CEP112: variants seen among roughly 807,000 people sequenced by gnomAD.
CEP112 encodes centrosomal protein 112.
In CEP112, 127 loss-of-function variants were observed where a neutral mutation model predicts 153.0. That is an observed-to-expected ratio of 0.83 (90% CI 0.72 to 0.96). The LOEUF (loss-of-function observed/expected upper bound fraction) is 0.96, where lower values mean the gene tolerates loss of function less well. Among genes scored for constraint, CEP112 ranks in the 40% least tolerant of loss-of-function variants. The pLI, the probability that CEP112 is intolerant of heterozygous loss-of-function variation, is 0.00. For missense variants in CEP112, 1,089 were observed against 1,101.2 expected, an observed-to-expected ratio of 0.99 and a Z score of 0.16; for synonymous variants, 358 against 374.4, an observed-to-expected ratio of 0.96 and a Z score of 0.51.
At chr17:65,686,342 C>T (rs1200442985) in intron 24 of CEP112, among the ~76,000 whole-genome samples, 2 of 151,780 alleles carry the variant, frequency 1.3e-5, no homozygotes, top group Non-Finnish European at 2.9e-5. Context: ...AAAAAGAAGT[C>T]AATAAAAAAA....
intron 17 of CEP112, among the ~76,000 whole-genome samples, chr17:65,989,142 G>T (rs766421037): frequency 6.6e-6 from 1 of 150,386 alleles, no homozygotes; most frequent in Non-Finnish European, 1.5e-5. Flanking sequence ...GGCTGAGGCA[G>T]AAGAATGGCA....
chr17:65,913,359 G>T, intron 19 of CEP112: 1 of 311,086 alleles, frequency 3.2e-6, no homozygotes, highest in Non-Finnish European at 4.7e-6. Flanking sequence ...CTCCCTTAAA[G>T]ATAAAATAAG....
At chr17:65,775,300 C>T (rs967652577) in intron 21 of CEP112, among the ~76,000 whole-genome samples, 1 of 152,054 alleles carries the variant, frequency 6.6e-6, no homozygotes, top group Admixed American at 6.6e-5. Context: ...ACCAGGGACC[C>T]TGCTCACCCT....
At chr17:65,645,613 C>G (rs1368507126) in intron 24 of CEP112, among the ~76,000 whole-genome samples, 2 of 151,980 alleles carry the variant, frequency 1.3e-5, no homozygotes, top group Non-Finnish European at 2.9e-5. Flanking sequence ...TTTTCTATTT[C>G]TCTATCTCCC....
chr17:66,132,506 T>C (rs1366428022), intron 5 of CEP112, among the ~76,000 whole-genome samples, 164 bp downstream of exon 5: 2 of 152,218 alleles, frequency 1.3e-5, no homozygotes, highest in Non-Finnish European at 2.9e-5. Flanking sequence ...CTACACTATA[T>C]ACCAAACACC....
intron 24 of CEP112, among the ~76,000 whole-genome samples, chr17:65,687,269 C>G (rs552995203): frequency 6.9e-6 from 1 of 145,464 alleles, no homozygotes; most frequent in East Asian, 2.1e-4. Flanking sequence ...CCAGTTCAAG[C>G]AATTCTCCTG....
intron 9 of CEP112, among the ~76,000 whole-genome samples, chr17:66,069,366 G>A (rs1184085217): frequency 6.6e-6 from 1 of 151,230 alleles, no homozygotes; most frequent in Non-Finnish European, 1.5e-5. Flanking sequence ...TTTTTGCTGT[G>A]CCAGCTAAGA....
At position 65,836,093 on chromosome 17, in the gene CEP112, G is replaced by T. The variant is rs144267261; in HGVS notation, c.2394+15711C>A. The stretch of plus-strand genomic sequence containing the variant: ...CTAAAAGATGTTTTTTGTAAGCCTC[G>T]TGGTGGCCACAAAGCAAAGTAAATA... On this transcript the variant is annotated intron_variant, in intron 21 of 26. Transcript: ENST00000535342. Among the ~76,000 whole-genome samples the T allele has an allele frequency of 2.0e-5, 3 of 151,862 alleles. No homozygotes were observed. In the East Asian group the frequency reaches 5.8e-4, roughly 29 times the overall value.
intron 19 of CEP112, chr17:65,902,951 C>G (rs981404511): frequency 1.3e-5 from 2 of 152,318 alleles, no homozygotes; most frequent in East Asian, 3.9e-4. Context: ...AGGATCCTTT[C>G]CCAGTCCACT....
intron 6 of CEP112, among the ~76,000 whole-genome samples, chr17:66,116,142 C>T (rs2069280180): frequency 6.6e-6 from 1 of 152,214 alleles, no homozygotes; most frequent in Non-Finnish European, 1.5e-5. Context: ...TATTTACCAA[C>T]TTTTCCTTGA....
In CEP112 at chr17:65,690,143, G is replaced by A. The variant is rs535323943; in HGVS notation, c.2608-925C>T. Among the ~76,000 whole-genome samples the A allele has an allele frequency of 7.0e-5, 10 of 143,748 alleles. No individual in the cohort carries two copies. In the South Asian group the frequency reaches 1.3e-3, roughly 19 times the overall value. The allele number at this position is 143,748 out of a possible 152,430, so 94.3% of individuals were successfully genotyped here. On this transcript the variant is annotated intron_variant, in intron 23 of 26. Coordinates refer to ENST00000535342, the MANE Select transcript of CEP112 (RefSeq NM_001199165.4). ...AAAAAAAAAAAAAAAAAAAAACTCC[G>A]GTCGGGCACAGTGGTTCACATCTGT...
At chr17:65,873,585 A>G (rs1195606144) in intron 20 of CEP112, 1 of 152,154 alleles carries the variant, frequency 6.6e-6, no homozygotes, top group Non-Finnish European at 1.5e-5. Flanking sequence ...GTAAATAAAT[A>G]TCCATTTATC....
At chr17:65,889,142 A>ATCAC (rs2059382798) in intron 20 of CEP112, among the ~76,000 whole-genome samples, 2 of 151,980 alleles carry the variant, frequency 1.3e-5, no homozygotes, top group Admixed American at 1.3e-4. Context: ...TCCTCCCCAT[A>ATCAC]TCACTAAACA....
intron 15 of CEP112, 22 bp downstream of exon 15, chr17:66,028,291 T>C (rs538976959): frequency 1.4e-6 from 2 of 1,393,942 alleles, no homozygotes; most frequent in African/African-American, 1.4e-5. Context: ...ATTGTTCTTC[T>C]GTGTAGAAAT....
chr17:65,900,125 C>T (rs68128174), intron 20 of CEP112, among the ~76,000 whole-genome samples: 25,626 of 152,074 alleles, frequency 0.17, 2,672 homozygotes, highest in South Asian at 0.3. Context: ...TATTTTGGTA[C>T]ACATGATAAG....
rs1186957988 is a variant in CEP112, at chr17:66,185,841, T to C, written c.-8-2534A>G. Among the ~76,000 whole-genome samples the C allele has an allele frequency of 3.9e-5, 6 of 152,236 alleles. No individual in the cohort carries two copies. The South Asian group carries it at 8.3e-4, about 21-fold the overall frequency. On this transcript the variant is annotated intron_variant, in intron 1 of 26. Coordinates refer to ENST00000535342, the MANE Select transcript of CEP112 (RefSeq NM_001199165.4). ...ATCTTGCTCCACAAACTGCCCTCTA[T>C]CTGCTAAACCAGCTTCTAATATTTA...
intron 4 of CEP112, among the ~76,000 whole-genome samples, chr17:66,142,912 T>C (rs1391465500): frequency 3.3e-5 from 5 of 152,190 alleles, no homozygotes; most frequent in African/African-American, 7.2e-5. Flanking sequence ...AGGGATTGCA[T>C]TGAAATTGTA....
At chr17:65,848,787 C>T (rs1476422930) in intron 21 of CEP112, among the ~76,000 whole-genome samples, 2 of 152,186 alleles carry the variant, frequency 1.3e-5, no homozygotes, top group Non-Finnish European at 2.9e-5. Flanking sequence ...CATTCCTGAT[C>T]GATTTATATT....
At chr17:65,937,933 G>T (rs1046480826) in intron 18 of CEP112, among the ~76,000 whole-genome samples, 9 of 125,062 alleles carry the variant, frequency 7.2e-5, no homozygotes, top group African/African-American at 2.5e-4. Flanking sequence ...GCGGCTCATT[G>T]AGAACGGGCC....
Sources: allele counts gnomAD v4.1 joint callset (sites outside exome capture counted in the v4.1 genomes callset), GRCh38; gene constraint gnomAD v4.1.1; transcripts MANE v1.5; gene names NCBI Gene and HGNC (gene_info 2026-07-23, HGNC 2026-07-21).